The following TACR1 variants were observed in gnomAD, a reference collection of about 807,000 sequenced individuals.
TACR1 encodes tachykinin receptor 1.
TACR1 carries 25 observed loss-of-function variants against 35.8 expected under a neutral mutation model. The ratio of observed to expected loss-of-function variants is 0.70; its 90% CI spans 0.51 to 0.98. The LOEUF (loss-of-function observed/expected upper bound fraction) is 0.98, where lower values mean the gene tolerates loss of function less well. Among genes scored for constraint, TACR1 ranks in the 50% least tolerant of loss-of-function variants. The probability of loss-of-function intolerance (pLI) is 0.00; values close to 1 mark genes in which losing one functional copy is unlikely to be tolerated. For missense variants in TACR1, 478 were observed against 522.9 expected (o/e 0.91, Z 0.84); for synonymous variants, 195 against 206.7 (o/e 0.94, Z 0.48).
chr2:75,167,067 A>G (rs1675161899), intron 1 of TACR1, among the ~76,000 whole-genome samples: 1 of 152,248 alleles, frequency 6.6e-6, no homozygotes, highest in Non-Finnish European at 1.5e-5. Context: ...ATTTTTCCAC[A>G]CTTAGCAACA....
intron 1 of TACR1, among the ~76,000 whole-genome samples, chr2:75,158,172 A>C (rs1401773893): frequency 6.6e-6 from 1 of 152,214 alleles, no homozygotes. Context: ...TTTGGATCTG[A>C]TTCACTTCGG....
chr2:75,172,442 A>G (rs1306489540), intron 1 of TACR1, among the ~76,000 whole-genome samples: 1 of 152,200 alleles, frequency 6.6e-6, no homozygotes, highest in Non-Finnish European at 1.5e-5. Flanking sequence ...TGAGAAAAAA[A>G]GTTCCTTGGA....
Position 75,065,124 on chromosome 2 carries a change from C to A in TACR1, c.585-11369G>T, listed in dbSNP as rs532467729. ...GAAATGTGAGGCAGGTAACTGCCAC[C>A]AGGTGGCGCCAATCTGCAGCCGGCA... is the stretch of plus-strand genomic sequence containing the variant. On this transcript the variant is annotated intron_variant, in intron 2 of 4. Coordinates refer to ENST00000305249, the MANE Select transcript of TACR1 (RefSeq NM_001058.4). 1.1e-4 allele frequency among the ~76,000 whole-genome samples: 17 copies of A among 152,328 alleles called. 1 individual carries two copies. In the East Asian group the frequency reaches 3.1e-3, roughly 28 times the overall value.
rs915621839 is a variant in TACR1, at chr2:75,199,113, A to G, written c.-179T>C. 10 of 737,498 alleles carry G rather than the reference A, an allele frequency of 1.4e-5. No homozygotes were observed. The Admixed American group carries it at 2.1e-4, about 15-fold the overall frequency. The allele number at this position is 737,498 out of a possible 1,614,324, so 45.7% of individuals were successfully genotyped here. A position where few individuals can be genotyped will look rare whatever the true frequency, so the allele number is the denominator to read the frequency against. ...GCGCTCAGAATATAAACGCTTCTGG[A>G]TGCACTGCCCGCCTGCCCGCGGTGG... is the stretch of plus-strand genomic sequence containing the variant. On this transcript the variant is annotated 5_prime_UTR_variant, in exon 1 of 5. Coordinates refer to ENST00000305249, the MANE Select transcript of TACR1 (RefSeq NM_001058.4).
At chr2:75,151,976 GAGC>G (rs1674683864) in intron 1 of TACR1, among the ~76,000 whole-genome samples, 1 of 152,142 alleles carries the variant, frequency 6.6e-6, no homozygotes, top group Non-Finnish European at 1.5e-5. Context: ...AGACTTGCAT[GAGC>G]CCTGTATTGT....
chr2:75,162,613 T>G (rs1277648863), intron 1 of TACR1, among the ~76,000 whole-genome samples: 1 of 152,254 alleles, frequency 6.6e-6, no homozygotes, highest in African/African-American at 2.4e-5. Context: ...CAGACATACT[T>G]AATTATATTT....
At chr2:75,164,940 A>C (rs986246917) in intron 1 of TACR1, among the ~76,000 whole-genome samples, 7 of 152,240 alleles carry the variant, frequency 4.6e-5, no homozygotes, top group African/African-American at 7.2e-5. Context: ...ATCCATGACC[A>C]TGTGACACTG....
At chr2:75,163,384 T>C (rs1675057988) in intron 1 of TACR1, among the ~76,000 whole-genome samples, 1 of 152,204 alleles carries the variant, frequency 6.6e-6, no homozygotes, top group Non-Finnish European at 1.5e-5. Context: ...GTGAATCAGT[T>C]CACAGCAGTA....
intron 1 of TACR1, among the ~76,000 whole-genome samples, chr2:75,171,309 C>A (rs771180303): frequency 1.3e-5 from 2 of 152,184 alleles, no homozygotes; most frequent in Non-Finnish European, 2.9e-5. Context: ...TCTGTGGGTG[C>A]ACAAAAGTCA....
chr2:75,172,332 T>C (rs538276232), intron 1 of TACR1, among the ~76,000 whole-genome samples: 1 of 152,368 alleles, frequency 6.6e-6, no homozygotes, highest in African/African-American at 2.4e-5. Flanking sequence ...GTTAATTTTG[T>C]GTACTTTTGC....
At chr2:75,150,507 C>T (rs914013613) in intron 1 of TACR1, among the ~76,000 whole-genome samples, 1 of 152,132 alleles carries the variant, frequency 6.6e-6, no homozygotes, top group African/African-American at 2.4e-5. Context: ...TTGCTTCTTC[C>T]TCATTTTCTT....
chr2:75,115,987 C>G (rs1572939231), intron 2 of TACR1, among the ~76,000 whole-genome samples: 1 of 135,612 alleles, frequency 7.4e-6, no homozygotes, highest in South Asian at 2.3e-4. Flanking sequence ...TTTAAAAAAA[C>G]AAGGTGCATA....
At position 75,120,712 on chromosome 2, in the gene TACR1, A is replaced by G. The variant is rs746672619; in HGVS notation, c.446T>C (p.Val149Ala). ...QPRLSATATK[V>A]VICVIWVLAL... is the part of the protein sequence containing the mutation. ...CAGGACCCAGATGACACAGATGACC[A>G]CTTTGGTGGCTGTGGCTGACAGCCG... The change falls in exon 2 of 5, where the codon GTG becomes GCG. Residue 149 changes from valine (V) to alanine (A), a missense_variant. Coordinates refer to ENST00000305249, the MANE Select transcript of TACR1 (RefSeq NM_001058.4). 1 of 1,613,814 alleles carries G rather than the reference A, an allele frequency of 6.2e-7. No individual in the cohort carries two copies. Among genetic ancestry groups the G allele is most frequent in the African/African-American group, 1.3e-5 (1 of 74,914 alleles).
intron 1 of TACR1, chr2:75,188,470 G>T (rs1421470139): frequency 1.3e-5 from 2 of 152,228 alleles, no homozygotes; most frequent in Non-Finnish European, 2.9e-5. Flanking sequence ...CTCCCCTCAT[G>T]AGCTCAGGCA....
At chr2:75,113,532 C>CTTTTTT (rs11437762) in intron 2 of TACR1, among the ~76,000 whole-genome samples, 3 of 92,080 alleles carry the variant, frequency 3.3e-5, no homozygotes, top group African/African-American at 4.5e-5. Flanking sequence ...TTTCTTCTTC[C>CTTTTTT]TTTTTTTTTT....
chr2:75,146,280 G>A (rs1253866483), intron 1 of TACR1, among the ~76,000 whole-genome samples: 7 of 152,010 alleles, frequency 4.6e-5, no homozygotes, highest in Non-Finnish European at 7.4e-5. Flanking sequence ...GTGCCACTAT[G>A]CCTGGCTAAT....
chr2:75,165,508 C>T (rs1488602964), intron 1 of TACR1, among the ~76,000 whole-genome samples: 1 of 151,954 alleles, frequency 6.6e-6, no homozygotes, highest in Non-Finnish European at 1.5e-5. Flanking sequence ...AGGGGTTTCA[C>T]CTTGTTAGGC....
chr2:75,123,964 A>C (rs1348136574), intron 1 of TACR1, among the ~76,000 whole-genome samples: 3 of 152,244 alleles, frequency 2.0e-5, no homozygotes, highest in Non-Finnish European at 4.4e-5. Flanking sequence ...TGCAAACCCA[A>C]GGAAAATACA....
chr2:75,088,354 C>T (rs1166009668), intron 2 of TACR1, among the ~76,000 whole-genome samples: 2 of 152,144 alleles, frequency 1.3e-5, no homozygotes, highest in Non-Finnish European at 2.9e-5. Context: ...CAAAGCTTAG[C>T]TCCTGAAATC....
Sources: allele counts gnomAD v4.1 joint callset (sites outside exome capture counted in the v4.1 genomes callset), GRCh38; gene constraint gnomAD v4.1.1; transcripts MANE v1.5; gene names NCBI Gene and HGNC (gene_info 2026-07-23, HGNC 2026-07-21).